DIAPH3: variants seen among roughly 807,000 people sequenced by gnomAD.
The protein encoded by DIAPH3 is protein diaphanous homolog 3.
In DIAPH3, 117 loss-of-function variants were observed where a neutral mutation model predicts 144.3. That is an observed-to-expected ratio of 0.81 (90% CI 0.70 to 0.95). The LOEUF is 0.95. DIAPH3 is among the 40% of genes least tolerant of loss of function. The pLI, the probability that DIAPH3 is intolerant of heterozygous loss-of-function variation, is 0.00. For synonymous variants in DIAPH3, 519 were observed against 488.9 expected (o/e 1.06, Z -0.81); for missense variants, 1,421 against 1,412.7 (o/e 1.01, Z -0.09).
intron 1 of DIAPH3, among the ~76,000 whole-genome samples, chr13:60,144,436 T>C (rs1951412748): frequency 6.6e-6 from 1 of 152,196 alleles, no homozygotes; most frequent in Non-Finnish European, 1.5e-5. Context: ...CCTGTGGGTG[T>C]ATCTGCCTCC....
intron 22 of DIAPH3, among the ~76,000 whole-genome samples, chr13:59,850,980 T>G (rs1332047402): frequency 6.8e-6 from 1 of 147,512 alleles, no homozygotes; most frequent in Non-Finnish European, 1.5e-5. Flanking sequence ...CTTCTGAAAC[T>G]ATTCCAATCA....
At chr13:59,851,897 C>A (rs776603171) in intron 22 of DIAPH3, among the ~76,000 whole-genome samples, 1 of 152,074 alleles carries the variant, frequency 6.6e-6, no homozygotes, top group Non-Finnish European at 1.5e-5. Flanking sequence ...GGATTACAGG[C>A]GTGAGCCATG....
rs149563575 is a variant in DIAPH3 at position 59,909,973 on chromosome 13, T to C, written c.2367+1762A>G. Among the ~76,000 whole-genome samples the C allele has an allele frequency of 3.5e-3, 538 of 152,348 alleles. 4 individuals are homozygous for C. The highest frequency in any genetic ancestry group is 0.013 in the African/African-American group (522 of 41,576). On this transcript the variant is annotated intron_variant, in intron 20 of 27. Transcript: ENST00000400324. The stretch of plus-strand genomic sequence containing the variant: ...GGCTATTTTAAGTAAATTGAAAATA[T>C]CTGCAAATTTGAGCAGTCTTCTTGA...
chr13:59,821,211 T>C (rs769684339), intron 24 of DIAPH3, among the ~76,000 whole-genome samples: 1 of 152,066 alleles, frequency 6.6e-6, no homozygotes, highest in Non-Finnish European at 1.5e-5. Context: ...TAAGTCTCCA[T>C]GTTTTCCAGG....
chr13:60,053,747 T>G (rs1175871410), intron 4 of DIAPH3, among the ~76,000 whole-genome samples: 2 of 152,122 alleles, frequency 1.3e-5, no homozygotes, highest in African/African-American at 4.8e-5. Flanking sequence ...AAGAATACAT[T>G]GAATTTCTAG....
At chr13:60,047,220 A>G (rs1326595570) in intron 4 of DIAPH3, among the ~76,000 whole-genome samples, 1 of 151,728 alleles carries the variant, frequency 6.6e-6, no homozygotes. Flanking sequence ...TACCATACTC[A>G]CAGAACAGAA....
At chr13:59,792,113 T>C (rs181577883) in intron 25 of DIAPH3, among the ~76,000 whole-genome samples, 54 of 152,316 alleles carry the variant, frequency 3.5e-4, no homozygotes, top group Non-Finnish European at 6.3e-4. Flanking sequence ...GAAAATGGGC[T>C]CTACTTGGAA....
At chr13:59,981,412 T>TA (rs2051007327) in intron 13 of DIAPH3, among the ~76,000 whole-genome samples, 1 of 151,048 alleles carries the variant, frequency 6.6e-6, no homozygotes, top group Admixed American at 6.6e-5. Context: ...CAATATATAC[T>TA]AAAATTGTAA....
chr13:59,996,840 C>T (rs944418365), intron 9 of DIAPH3, among the ~76,000 whole-genome samples: 3 of 152,034 alleles, frequency 2.0e-5, no homozygotes, highest in African/African-American at 7.2e-5. Context: ...CATGCCACTA[C>T]ATCTACATCA....
rs1593991627 is a variant in DIAPH3, at chr13:59,921,026, T to C, written c.2170+3749A>G. On this transcript the variant is annotated intron_variant, in intron 18 of 27. Transcript: ENST00000400324. ...ATGAAGAAATTAAAAGTCTTCAATA[T>C]AAAAATGTATTTAGAAAATTGAAAA... Among the ~76,000 whole-genome samples the C allele has an allele frequency of 4.6e-5, 7 of 151,284 alleles. No individual in the cohort carries two copies. The South Asian group carries it at 1.0e-3, about 22-fold the overall frequency.
chr13:60,026,246 T>C (rs2054364529), intron 5 of DIAPH3, among the ~76,000 whole-genome samples: 1 of 152,072 alleles, frequency 6.6e-6, no homozygotes, highest in Non-Finnish European at 1.5e-5. Flanking sequence ...ATATAATTAA[T>C]ATTATATAAA....
At chr13:59,924,930 A>G in intron 17 of DIAPH3, 60 bp from the exon 18 acceptor site, 1 of 1,548,028 alleles carries the variant, frequency 6.5e-7, no homozygotes. Flanking sequence ...CAAAAGTGGA[A>G]AAAGTGAACT....
chr13:59,897,061 A>T (rs552605557), intron 20 of DIAPH3, among the ~76,000 whole-genome samples: 205 of 152,338 alleles, frequency 1.3e-3, no homozygotes, highest in Non-Finnish European at 2.2e-3. Flanking sequence ...AGTTATTAAA[A>T]AAATTATATG....
intron 7 of DIAPH3, among the ~76,000 whole-genome samples, chr13:60,011,475 A>G (rs2053260254): frequency 6.6e-6 from 1 of 152,248 alleles, no homozygotes; most frequent in African/African-American, 2.4e-5. Flanking sequence ...ACTATTTTCA[A>G]TAAAATTAAT....
intron 1 of DIAPH3, among the ~76,000 whole-genome samples, chr13:60,144,190 T>A (rs944303162): frequency 8.5e-5 from 13 of 152,176 alleles, no homozygotes; most frequent in Non-Finnish European, 1.6e-4. Context: ...GAGAATCACC[T>A]GAAAGCTTGT....
Position 60,114,041 on chromosome 13 carries a change from C to T in DIAPH3, c.214-1855G>A, listed in dbSNP as rs200244265. 2.3e-4 allele frequency among the ~76,000 whole-genome samples: 35 copies of T among 152,306 alleles called. No homozygotes were observed. The East Asian group carries it at 6.0e-3, about 26-fold the overall frequency. ...TAGGCAAAAGACTGGAGAGAAATCCCCATGACACATTCTGGACTTTGAAAG... is the reference window on the plus strand; with the variant it reads ...TAGGCAAAAGACTGGAGAGAAATCCTCATGACACATTCTGGACTTTGAAAG... On this transcript the variant is annotated intron_variant, in intron 2 of 27. Coordinates refer to ENST00000400324, the MANE Select transcript of DIAPH3 (RefSeq NM_001042517.2).
intron 22 of DIAPH3, 99 bp downstream of exon 22, chr13:59,861,308 T>C (rs758633415): frequency 6.3e-7 from 1 of 1,596,164 alleles, no homozygotes; most frequent in South Asian, 1.1e-5. Context: ...ATGAAAACAC[T>C]GTGAGAAAGT....
chr13:60,030,484 G>C (rs1331241062), intron 5 of DIAPH3, among the ~76,000 whole-genome samples: 1 of 152,128 alleles, frequency 6.6e-6, no homozygotes, highest in Non-Finnish European at 1.5e-5. Flanking sequence ...CAAATGAGCA[G>C]TACAGGCTCA....
At chr13:59,744,605 C>T (rs960870835) in intron 27 of DIAPH3, among the ~76,000 whole-genome samples, 1 of 152,036 alleles carries the variant, frequency 6.6e-6, no homozygotes, top group African/African-American at 2.4e-5. Context: ...TCCAATGTGG[C>T]CCAGGGAAGC....
Sources: gnomAD v4.1 joint callset for allele counts (sites outside exome capture counted in the v4.1 genomes callset) on GRCh38, gnomAD v4.1.1 for gene constraint, MANE v1.5 for transcripts, NCBI Gene and HGNC (gene_info 2026-07-23, HGNC 2026-07-21) for gene names.